The following TRIM14 variants were observed in gnomAD, a reference collection of about 807,000 sequenced individuals.
TRIM14 encodes the protein tripartite motif containing 14.
In TRIM14, 28 loss-of-function variants were observed where a neutral mutation model predicts 44.5. The ratio of observed to expected loss-of-function variants is 0.63; its 90% CI spans 0.47 to 0.86. The LOEUF is 0.86. Ranked by LOEUF, TRIM14 falls within the 40% of genes least tolerant of loss-of-function variation. The pLI, the probability that TRIM14 is intolerant of heterozygous loss-of-function variation, is 0.00. For synonymous variants in TRIM14, 299 were observed against 269.2 expected (o/e 1.11, Z -1.08); for missense variants, 607 against 611.1 (o/e 0.99, Z 0.07).
At chr9:98,057,481 A>G in the TRIM14 span, among the ~76,000 whole-genome samples, 4 of 152,180 alleles carry the variant, frequency 2.6e-5, no homozygotes, top group African/African-American at 9.6e-5. Context: ...CAGTTCCACC[A>G]CTACTAGCTG....
rs11424970 is a variant in TRIM14, at chr9:98,078,836, G to GAAA, written c.*28+8603_*28+8605dup. ...GGTGACAGAGTGAGACTCTCAGGGG[G>GAAA]AAAAAAAAAAAAAAAAAAGTCTGTC... On this transcript the variant is annotated intron_variant, in intron 6 of 6. Coordinates refer to the TRIM14 transcript ENST00000375098. Among the ~76,000 whole-genome samples, 61 of 122,992 alleles carry GAAA rather than the reference G, an allele frequency of 5.0e-4. 1 individual carries two copies. The highest frequency in any genetic ancestry group is 1.9e-3 in the East Asian group (8 of 4,180). The allele number at this position is 122,992 out of a possible 152,430, so 80.7% of individuals were successfully genotyped here.
At chr9:98,114,314 A>G (rs1211508311) in intron 1 of TRIM14, among the ~76,000 whole-genome samples, 1 of 152,108 alleles carries the variant, frequency 6.6e-6, no homozygotes, top group Non-Finnish European at 1.5e-5. Flanking sequence ...TGGCTATTCT[A>G]AGCCTTTTAT....
intron 1 of TRIM14, among the ~76,000 whole-genome samples, chr9:98,113,395 C>A (rs576008486): frequency 1.3e-5 from 2 of 152,118 alleles, no homozygotes; most frequent in South Asian, 2.1e-4. Flanking sequence ...CACTTTGTCA[C>A]CCAAGATGAA....
At chr9:98,080,950 G>A (rs1311532360), downstream of TRIM14, 1 of 1,614,102 alleles carries the variant, frequency 6.2e-7, no homozygotes, top group Non-Finnish European at 8.5e-7. Flanking sequence ...AGACCTGGAA[G>A]GGGAGTGACC....
rs770573147 is a variant in TRIM14, at chr9:98,087,596, G to A, written c.1203C>T (p.Val401=). 1.6e-5 allele frequency: 26 copies of A among 1,599,696 alleles called. No individual in the cohort carries two copies. Among genetic ancestry groups the A allele is most frequent in the South Asian group, 6.7e-5 (6 of 89,708 alleles). ...LGVFLDYEAG[V]LAFYDVTGGM... ...CGCCCGTCACGTCGTAGAAGGCGAG[G>A]ACGCCGGCCTCGTAGTCCAGGAAGA... Residue 401 remains valine (V), a synonymous_variant, in exon 6 of 6, where the codon GTC becomes GTT. Transcript: ENST00000341469.
At position 98,108,732 on chromosome 9, in the gene TRIM14, C is replaced by CTGACAGT. The variant is rs201556725; in HGVS notation, c.303+1156_303+1157insACTGTCA. ...CAAACGTCTTCAGGGTACTGGCAAA[C>CTGACAGT]TGTCATGAAGACAACTGACAGAGAA... On this transcript the variant is annotated intron_variant, in intron 2 of 5. Transcript: ENST00000341469. 8.3e-3 allele frequency among the ~76,000 whole-genome samples: 1,256 copies of CTGACAGT among 152,060 alleles called. 20 individuals are homozygous for CTGACAGT. Among genetic ancestry groups the CTGACAGT allele is most frequent in the African/African-American group, 0.028 (1,178 of 41,466 alleles).
In TRIM14 at chr9:98,087,742, C is replaced by A. The variant is rs770975476; in HGVS notation, c.1057G>T (p.Ala353Ser). 42 of 1,562,822 alleles carry A rather than the reference C, an allele frequency of 2.7e-5. No individual in the cohort carries two copies. The African/African-American group carries it at 4.5e-4, about 17-fold the overall frequency. The change falls in exon 6 of 6, where the codon GCC becomes TCC. Residue 353 changes from alanine to serine, a missense_variant. Ala to Ser is a moderately conservative substitution (Grantham distance 99). Around this residue, in one of 3 missense-constraint regions of TRIM14, gnomAD observed 356 missense variants for 323.0 expected, o/e 1.10. Transcript: ENST00000341469. ...GACTGGCGGTTGCAGCCCAGGCGGG[C>A]GGCGGCCGAGGCCCCGCGGCGCCGA... ...SLRRRGASAA[A>S]RLGCNRQSWC... is the part of the protein sequence containing the mutation.
In TRIM14 at chr9:98,091,919, T is replaced by C. The variant is rs1274988417; in HGVS notation, c.783A>G (p.Leu261=). Reference sequence around the variant, plus strand: ...TCCCGGGGGTCTTACATTTCAGCAATAGCGATCGCTCTGGTGAGGGGCTGG... The same window carrying C: ...TCCCGGGGGTCTTACATTTCAGCAACAGCGATCGCTCTGGTGAGGGGCTGG... The part of the protein sequence containing the change: ...LKTSPSPERS[L]LLKYARTPTL... The change falls in exon 5 of 6, where the codon CTA becomes CTG. Residue 261 remains leucine (L), a synonymous_variant. Coordinates refer to ENST00000341469, the MANE Select transcript of TRIM14 (RefSeq NM_014788.4). 10 of 1,600,774 alleles carry C rather than the reference T, an allele frequency of 6.2e-6. No individual in the cohort carries two copies. The Admixed American group carries it at 6.7e-5, about 11-fold the overall frequency.
At chr9:98,092,101 C>T in intron 4 of TRIM14, 100 bp from the exon 5 acceptor site, 2 of 857,874 alleles carry the variant, frequency 2.3e-6, no homozygotes, top group South Asian at 2.2e-5. Context: ...CATAATCTCG[C>T]CCAAGAGCCA....
At chr9:98,110,107 G>C (rs1282385111) in intron 1 of TRIM14, 123 bp from the exon 2 acceptor site, 7 of 732,970 alleles carry the variant, frequency 9.6e-6, no homozygotes, top group South Asian at 3.3e-5. Flanking sequence ...TGAAGGTGAG[G>C]TAACTTGCCC....
At chr9:98,043,020 G>A in the TRIM14 span, among the ~76,000 whole-genome samples, 4 of 152,082 alleles carry the variant, frequency 2.6e-5, no homozygotes, top group African/African-American at 7.2e-5. Context: ...GTGAAACATT[G>A]TGTATACAAC....
the TRIM14 span, among the ~76,000 whole-genome samples, chr9:98,060,439 C>T: frequency 7.2e-5 from 11 of 152,232 alleles, no homozygotes; most frequent in South Asian, 4.1e-4. Context: ...GAGGCCAAGG[C>T]GTTTGGATCA....
rs1235018550 is a variant in TRIM14, at chr9:98,087,670, CG to C, written c.1128del (p.Asp376GlufsTer32). ...RYDLEYWAFH[D>X]GQRSRLRPRD... is the part of the protein sequence containing the mutation. ...CGGGGCCGCAGGCGGCTGCGCTGGC[CG>C]TCGTGGAAGGCCCAGTACTCAAGGT... On this transcript the variant is annotated frameshift_variant, in exon 6 of 6. Coordinates refer to ENST00000341469, the MANE Select transcript of TRIM14 (RefSeq NM_014788.4). LOFTEE classifies it high-confidence loss of function. The C allele has an allele frequency of 6.9e-6, 11 of 1,602,628 alleles. No individual in the cohort carries two copies. In the Admixed American group the frequency reaches 1.7e-4, roughly 24 times the overall value.
At chr9:98,044,178 A>T in the TRIM14 span, among the ~76,000 whole-genome samples, 16 of 151,508 alleles carry the variant, frequency 1.1e-4, no homozygotes, top group Non-Finnish European at 1.5e-5. Flanking sequence ...AAGCCCCTTC[A>T]GGAGGGCTGA....
the TRIM14 span, among the ~76,000 whole-genome samples, chr9:98,057,847 C>T: frequency 5.7e-5 from 4 of 70,546 alleles, no homozygotes; most frequent in South Asian, 3.3e-4. Context: ...ATTTATTTAT[C>T]TATGTTAGAG....
chr9:98,054,916 T>C, the TRIM14 span, among the ~76,000 whole-genome samples: 1 of 152,200 alleles, frequency 6.6e-6, no homozygotes. Context: ...GGAATTGCAA[T>C]AGAGAGAGTA....
intron 2 of TRIM14, among the ~76,000 whole-genome samples, chr9:98,100,509 C>G (rs1405673865): frequency 1.3e-5 from 2 of 152,030 alleles, no homozygotes; most frequent in African/African-American, 4.8e-5. Flanking sequence ...TAATCAAAAT[C>G]TTAACATGCT....
At chr9:98,043,954 C>A in the TRIM14 span, among the ~76,000 whole-genome samples, 1 of 151,708 alleles carries the variant, frequency 6.6e-6, no homozygotes, top group Admixed American at 6.6e-5. Context: ...AAGAGTGCCC[C>A]AAAAGGGGTT....
intron 5 of TRIM14, among the ~76,000 whole-genome samples, chr9:98,088,906 T>A (rs1445364917): frequency 6.6e-6 from 1 of 152,038 alleles, no homozygotes; most frequent in African/African-American, 2.4e-5. Context: ...TATGTACACA[T>A]GAAGTTTTTT....
Sources: gnomAD v4.1 joint callset for allele counts (sites outside exome capture counted in the v4.1 genomes callset) on GRCh38, gnomAD v4.1.1 for gene constraint, gnomAD v4.1.1 regional missense constraint, MANE v1.5 for transcripts, NCBI Gene and HGNC (gene_info 2026-07-23, HGNC 2026-07-21) for gene names.